Variants in CSMD1 observed in about 807,000 individuals in gnomAD.
The protein encoded by CSMD1 is CUB and Sushi multiple domains 1.
A neutral mutation model predicts 417.5 loss-of-function variants in CSMD1; 213 were observed. That is an observed-to-expected ratio of 0.51 (90% CI 0.46 to 0.57). The LOEUF is 0.57. Among genes scored for constraint, CSMD1 ranks in the 20% least tolerant of loss-of-function variants. The probability of loss-of-function intolerance (pLI) is 0.00; values close to 1 mark genes in which losing one functional copy is unlikely to be tolerated. For synonymous variants in CSMD1, 2,862 were observed against 1,736.8 expected (o/e 1.65, Z -16.11); for missense variants, 6,923 against 4,529.7 (o/e 1.53, Z -15.17).
At position 4,012,212 on chromosome 8, in the gene CSMD1, T is replaced by A. The variant is rs536452495; in HGVS notation, c.611-14102A>T. On this transcript the variant is annotated intron_variant, in intron 4 of 69. Transcript: ENST00000635120. ...CTGACTGTATATGATTCTATGCCGT[T>A]TTACTCACTCGTCTCTTTAGATACT... is the stretch of plus-strand genomic sequence containing the variant. 2.6e-5 allele frequency among the ~76,000 whole-genome samples: 4 copies of A among 152,188 alleles called. No individual in the cohort carries two copies. The South Asian group carries it at 8.3e-4, about 32-fold the overall frequency.
chr8:4,249,474 G>A (rs1444528904), intron 3 of CSMD1, among the ~76,000 whole-genome samples: 1 of 152,184 alleles, frequency 6.6e-6, no homozygotes, highest in Non-Finnish European at 1.5e-5. Context: ...GATGTAAACA[G>A]GGTTAAACAT....
intron 3 of CSMD1, among the ~76,000 whole-genome samples, chr8:4,411,554 A>C (rs531892586): frequency 1.3e-5 from 2 of 152,316 alleles, no homozygotes; most frequent in African/African-American, 4.8e-5. Context: ...TTCATTAATT[A>C]ATTTTTTCTG....
At chr8:3,394,003 A>AT (rs33941097) in intron 17 of CSMD1, among the ~76,000 whole-genome samples, 1 of 47,536 alleles carries the variant, frequency 2.1e-5, no homozygotes, top group Non-Finnish European at 4.0e-5. Context: ...ATAATAATAA[A>AT]AAAATAAATT....
At chr8:3,251,181 G>A (rs1800226076) in intron 26 of CSMD1, among the ~76,000 whole-genome samples, 1 of 152,088 alleles carries the variant, frequency 6.6e-6, no homozygotes, top group South Asian at 2.1e-4. Context: ...TTCTTCTAGG[G>A]TTTTTATGGT....
chr8:3,297,539 A>C (rs1002077883), intron 25 of CSMD1, among the ~76,000 whole-genome samples: 1 of 152,218 alleles, frequency 6.6e-6, no homozygotes, highest in East Asian at 1.9e-4. Context: ...GTTAATTACT[A>C]ATTTGTACTA....
chr8:3,630,177 G>C (rs1796707568), intron 7 of CSMD1, among the ~76,000 whole-genome samples: 2 of 152,232 alleles, frequency 1.3e-5, no homozygotes, highest in African/African-American at 4.8e-5. Context: ...GCCTGGTACA[G>C]GCAGGCTCTC....
intron 15 of CSMD1, 148 bp from the exon 16 acceptor site, chr8:3,399,677 T>C: frequency 1.6e-6 from 1 of 610,772 alleles, no homozygotes; most frequent in Non-Finnish European, 2.6e-6. Context: ...AAGGAAACTG[T>C]ACATTTATTG....
At chr8:4,147,887 A>G (rs534019144) in intron 3 of CSMD1, among the ~76,000 whole-genome samples, 2 of 152,266 alleles carry the variant, frequency 1.3e-5, no homozygotes, top group Admixed American at 1.3e-4. Context: ...CAGGGGCTGC[A>G]TGTGATTCTT....
chr8:3,699,783 A>G (rs1474407929), intron 7 of CSMD1, among the ~76,000 whole-genome samples: 1 of 152,156 alleles, frequency 6.6e-6, no homozygotes, highest in South Asian at 2.1e-4. Flanking sequence ...TGTGTGAGTG[A>G]AGATGTGAAA....
At chr8:3,257,587 G>A (rs1800750465) in intron 26 of CSMD1, among the ~76,000 whole-genome samples, 1 of 152,196 alleles carries the variant, frequency 6.6e-6, no homozygotes, top group South Asian at 2.1e-4. Flanking sequence ...GCTGGTCATG[G>A]AAGTTCCCCT....
At chr8:3,486,719 A>G (rs1818055913) in intron 11 of CSMD1, among the ~76,000 whole-genome samples, 1 of 152,190 alleles carries the variant, frequency 6.6e-6, no homozygotes, top group African/African-American at 2.4e-5. Context: ...TCTTCCCTGT[A>G]GGAAGGTTGC....
chr8:3,839,813 C>T (rs1055693535), intron 5 of CSMD1, among the ~76,000 whole-genome samples: 3 of 151,628 alleles, frequency 2.0e-5, no homozygotes, highest in African/African-American at 7.3e-5. Flanking sequence ...AAACTAGAGA[C>T]CAAAGTGCAC....
intron 2 of CSMD1, among the ~76,000 whole-genome samples, chr8:4,512,304 A>C (rs1223106465): frequency 6.6e-6 from 1 of 152,196 alleles, no homozygotes; most frequent in East Asian, 1.9e-4. Flanking sequence ...CTGGTAAAGA[A>C]TATCTACCAA....
In CSMD1 at chr8:3,106,162, G is replaced by A. The variant is rs561365850; in HGVS notation, c.6949+366C>T. Among the ~76,000 whole-genome samples the A allele has an allele frequency of 2.0e-5, 3 of 148,756 alleles. No homozygotes were observed. In the South Asian group the frequency reaches 6.4e-4, roughly 32 times the overall value. On this transcript the variant is annotated intron_variant, in intron 46 of 69. Transcript: ENST00000635120. ...GCAATCTGGGAAGCTGAGGCAGGTA[G>A]ATAGCTCGAGTCCAGAAGTTCAAGA...
chr8:4,780,311 G>A (rs1300218790), intron 1 of CSMD1, among the ~76,000 whole-genome samples: 3 of 152,162 alleles, frequency 2.0e-5, no homozygotes, highest in African/African-American at 4.8e-5. Context: ...GCTATATAAT[G>A]GGGCTTTGGC....
intron 3 of CSMD1, among the ~76,000 whole-genome samples, chr8:4,081,283 G>C (rs1363702505): frequency 1.3e-5 from 2 of 152,088 alleles, no homozygotes; most frequent in African/African-American, 4.8e-5. Flanking sequence ...AGCGATTCTC[G>C]TCTCCTAGCA....
At chr8:4,520,537 G>T (rs1217833884) in intron 2 of CSMD1, among the ~76,000 whole-genome samples, 2 of 152,056 alleles carry the variant, frequency 1.3e-5, no homozygotes, top group Admixed American at 1.3e-4. Context: ...TGTCTTAGAA[G>T]CCAGAAAACC....
intron 7 of CSMD1, among the ~76,000 whole-genome samples, chr8:3,637,721 T>C (rs1021500423): frequency 2.0e-5 from 3 of 152,198 alleles, no homozygotes; most frequent in African/African-American, 4.8e-5. Flanking sequence ...TAAGTAGGGA[T>C]ATGGTTTGGC....
intron 1 of CSMD1, among the ~76,000 whole-genome samples, chr8:4,868,844 T>C (rs184131194): frequency 1.5e-4 from 23 of 152,076 alleles, no homozygotes; most frequent in African/African-American, 5.5e-4. Flanking sequence ...AAATAGAAAT[T>C]GATAACCAAT....
Sources: allele counts gnomAD v4.1 joint callset (sites outside exome capture counted in the v4.1 genomes callset), GRCh38; gene constraint gnomAD v4.1.1; transcripts MANE v1.5; gene names NCBI Gene and HGNC (gene_info 2026-07-23, HGNC 2026-07-21).